Variants in FAM118B observed in about 807,000 individuals in gnomAD.
FAM118B encodes the protein protein FAM118B.
In FAM118B, 24 loss-of-function variants were observed where a neutral mutation model predicts 38.5. The ratio of observed to expected loss-of-function variants is 0.62; its 90% CI spans 0.45 to 0.88. The LOEUF is 0.88. Among genes scored for constraint, FAM118B ranks in the 40% least tolerant of loss-of-function variants. The pLI, the probability that FAM118B is intolerant of heterozygous loss-of-function variation, is 0.00. For synonymous variants in FAM118B, 138 were observed against 156.3 expected, an observed-to-expected ratio of 0.88 and a Z score of 0.87; for missense variants, 334 against 420.0, an observed-to-expected ratio of 0.80 and a Z score of 1.79.
At chr11:126,215,749 A>C (rs1481917742) in intron 1 of FAM118B, among the ~76,000 whole-genome samples, 1 of 148,226 alleles carries the variant, frequency 6.7e-6, no homozygotes, top group East Asian at 2.0e-4. Context: ...CATGGCTCAC[A>C]CCTTAATCCC....
intron 1 of FAM118B, among the ~76,000 whole-genome samples, chr11:126,213,415 C>T (rs1949919277): frequency 6.6e-6 from 1 of 152,136 alleles, no homozygotes; most frequent in Non-Finnish European, 1.5e-5. Context: ...TCCTGTTCCC[C>T]ACCCACCCCC....
At chr11:126,228,724 T>C (rs1479925680) in intron 1 of FAM118B, among the ~76,000 whole-genome samples, 1 of 151,864 alleles carries the variant, frequency 6.6e-6, no homozygotes, top group Non-Finnish European at 1.5e-5. Context: ...CACACCCAGC[T>C]AATTTTTTGT....
At chr11:126,218,389 G>A (rs930552197) in intron 1 of FAM118B, among the ~76,000 whole-genome samples, 1 of 152,174 alleles carries the variant, frequency 6.6e-6, no homozygotes, top group Non-Finnish European at 1.5e-5. Context: ...GAGAGCACTG[G>A]ATTGAGAAGT....
rs1226135208 is a variant in FAM118B, at chr11:126,254,301, G to A, written c.568-4G>A. 69 of 1,613,602 alleles carry A rather than the reference G, an allele frequency of 4.3e-5. No individual in the cohort carries two copies. The highest frequency in any genetic ancestry group is 5.8e-5 in the Non-Finnish European group (69 of 1,179,664). ...GCTGGTTGGGCTATATGTGTGTTGT[G>A]CAGGTCCTCGAGTGGGCTCAGGAGA... is the stretch of plus-strand genomic sequence containing the variant. On this transcript the variant is annotated splice_region_variant and splice_polypyrimidine_tract_variant and intron_variant, in intron 5 of 8. Transcript: ENST00000533050.
chr11:126,235,560 C>A (rs985609509), intron 3 of FAM118B, among the ~76,000 whole-genome samples: 14 of 151,980 alleles, frequency 9.2e-5, no homozygotes, highest in African/African-American at 3.4e-4. Context: ...GCTGTGTCGC[C>A]CAAGCTGGAG....
intron 4 of FAM118B, among the ~76,000 whole-genome samples, chr11:126,242,856 G>T (rs910142822): frequency 3.9e-5 from 6 of 152,208 alleles, no homozygotes; most frequent in Non-Finnish European, 7.3e-5. Context: ...ACCAGCAACT[G>T]CACTCATAAG....
Position 126,262,122 on chromosome 11 carries a change from TGTAGTACATGAG to T in FAM118B, c.1046_*1del. On this transcript the variant is annotated stop_lost and 3_prime_UTR_variant, in exon 9 of 9. Transcript: ENST00000533050. ...TTCTCTTTTCTTTCTCCCTACAGGC[TGTAGTACATGAG>T]CGAGCTAGAGAAATCACCACCGTTT... 1 of 1,614,140 alleles carries T rather than the reference TGTAGTACATGAG, an allele frequency of 6.2e-7. No homozygotes were observed. Among genetic ancestry groups the T allele is most frequent in the Admixed American group, 1.7e-5 (1 of 59,984 alleles).
chr11:126,237,680 TAAAAAAAAAAAAAAAA>T (rs544480250), intron 3 of FAM118B, among the ~76,000 whole-genome samples: 1 of 85,908 alleles, frequency 1.2e-5, no homozygotes. Context: ...CTGTCTCTAC[TAAAAAAAAAAAAAAAA>T]AAAAAAAAAA....
intron 4 of FAM118B, among the ~76,000 whole-genome samples, chr11:126,247,618 G>C (rs1481525496): frequency 6.6e-6 from 1 of 152,020 alleles, no homozygotes; most frequent in Non-Finnish European, 1.5e-5. Flanking sequence ...CCAACACTTT[G>C]GGAGGCCGAG....
In FAM118B at chr11:126,261,877, G is replaced by A. The variant is rs577312624; in HGVS notation, c.1043-243G>A. ...TCTGGTGCTGTGTGCCTATAGTCCCGGCTACTGGCTGAGGTAGGAGGATTG... is the reference window on the plus strand; with the variant it reads ...TCTGGTGCTGTGTGCCTATAGTCCCAGCTACTGGCTGAGGTAGGAGGATTG... On this transcript the variant is annotated intron_variant, in intron 8 of 8. Transcript: ENST00000533050. Among the ~76,000 whole-genome samples the A allele has an allele frequency of 1.4e-4, 21 of 151,932 alleles. No homozygotes were observed. In the South Asian group the frequency reaches 3.5e-3, roughly 26 times the overall value.
At chr11:126,212,001 A>G (rs1270308067) in intron 1 of FAM118B, among the ~76,000 whole-genome samples, 171 bp downstream of exon 1, 1 of 152,142 alleles carries the variant, frequency 6.6e-6, no homozygotes, top group Non-Finnish European at 1.5e-5. Flanking sequence ...GCGCCCCCTT[A>G]GGAGCGATGT....
intron 2 of FAM118B, among the ~76,000 whole-genome samples, chr11:126,231,366 C>T (rs1950204705): frequency 1.3e-5 from 2 of 152,132 alleles, no homozygotes; most frequent in Non-Finnish European, 2.9e-5. Context: ...CTTTGAAGCT[C>T]TTTAGCAATA....
At chr11:126,223,024 G>A (rs1228087039) in intron 1 of FAM118B, among the ~76,000 whole-genome samples, 2 of 151,650 alleles carry the variant, frequency 1.3e-5, no homozygotes, top group Admixed American at 6.6e-5. Flanking sequence ...GAGATGCCAA[G>A]GAGGAGGGTG....
At chr11:126,249,731 CAAAAAAAA>C (rs71048775) in intron 4 of FAM118B, among the ~76,000 whole-genome samples, 3 of 79,016 alleles carry the variant, frequency 3.8e-5, no homozygotes, top group African/African-American at 1.0e-4. Flanking sequence ...GACTCCGTCT[CAAAAAAAA>C]AAAAAAAAAA....
intron 8 of FAM118B, 103 bp from the exon 9 acceptor site, chr11:126,262,017 C>T (rs559025376): frequency 4.7e-6 from 5 of 1,060,402 alleles, no homozygotes; most frequent in Non-Finnish European, 7.1e-6. Flanking sequence ...AATCTCCTGT[C>T]TTGCCTTCTG....
In FAM118B at chr11:126,256,490, G is replaced by A. The variant is rs1490524287; in HGVS notation, c.697-77G>A. The A allele has an allele frequency of 1.2e-5, 17 of 1,404,342 alleles. No homozygotes were observed. Among genetic ancestry groups the A allele is most frequent in the Middle Eastern group, 1.8e-4 (1 of 5,508 alleles). The allele number at this position is 1,404,342 out of a possible 1,614,324, so 87.0% of individuals were successfully genotyped here. On this transcript the variant is annotated intron_variant, in intron 6 of 8. Coordinates refer to ENST00000533050, the MANE Select transcript of FAM118B (RefSeq NM_024556.4). The surrounding 1 kb of genome is among the most constrained non-coding windows in gnomAD (Gnocchi z 6.6). ...AATTGGTCATCACAGTCTGCTCAAC[G>A]TAGCATGACCTTCTTGTTTCAGACT...
intron 2 of FAM118B, among the ~76,000 whole-genome samples, chr11:126,229,944 C>T (rs369814829): frequency 1.3e-5 from 2 of 152,292 alleles, no homozygotes; most frequent in South Asian, 2.1e-4. Context: ...ATCAGTCTGG[C>T]ATTTCCTCAG....
intron 1 of FAM118B, among the ~76,000 whole-genome samples, chr11:126,217,781 A>G (rs1391456657): frequency 6.6e-6 from 1 of 152,208 alleles, no homozygotes; most frequent in Non-Finnish European, 1.5e-5. Context: ...AAGTATTTGA[A>G]TGACCTGGTT....
intron 7 of FAM118B, among the ~76,000 whole-genome samples, chr11:126,259,851 G>C (rs1032029621): frequency 2.6e-5 from 4 of 151,872 alleles, no homozygotes; most frequent in African/African-American, 9.7e-5. Flanking sequence ...CTCCCGAGTA[G>C]CTGGGACTAA....
Sources: allele counts gnomAD v4.1 joint callset (sites outside exome capture counted in the v4.1 genomes callset), GRCh38; gene constraint gnomAD v4.1.1; non-coding constraint Gnocchi (gnomAD v3.1); transcripts MANE v1.5; gene names NCBI Gene and HGNC (gene_info 2026-07-23, HGNC 2026-07-21).